Variants in AGBL4 observed in about 807,000 individuals in gnomAD.
AGBL4 encodes cytosolic carboxypeptidase 6.
AGBL4 carries 58 observed loss-of-function variants against 66.4 expected under a neutral mutation model. The ratio of observed to expected loss-of-function variants is 0.87; its 90% CI spans 0.71 to 1.09. The LOEUF (loss-of-function observed/expected upper bound fraction) is 1.09. AGBL4 is among the 50% of genes least tolerant of loss of function. AGBL4 has a pLI of 0.00. For synonymous variants in AGBL4, 234 were observed against 222.9 expected (o/e 1.05, Z -0.44); for missense variants, 579 against 631.0 (o/e 0.92, Z 0.88).
chr1:49,894,917 A>G lies in AGBL4; in HGVS notation c.35-43399T>C, dbSNP rs567119627. ...ATATCAATATTCAAGTACAGGTTAT[A>G]GAACATCATGCAGATTTAGCTCAAA... On this transcript the variant is annotated intron_variant, in intron 1 of 13. Transcript: ENST00000371839. Among the ~76,000 whole-genome samples, 102 of 152,278 alleles carry G rather than the reference A, an allele frequency of 6.7e-4. 1 individual carries two copies. The South Asian group carries it at 0.02, about 30-fold the overall frequency.
intron 6 of AGBL4, among the ~76,000 whole-genome samples, chr1:48,718,937 C>T (rs1326498264): frequency 1.3e-5 from 2 of 152,168 alleles, no homozygotes; most frequent in African/African-American, 4.8e-5. Context: ...GTGGGATGGG[C>T]ACTTTAGCAA....
intron 2 of AGBL4, among the ~76,000 whole-genome samples, chr1:49,706,807 T>C (rs1647244660): frequency 6.6e-6 from 1 of 152,182 alleles, no homozygotes; most frequent in African/African-American, 2.4e-5. Flanking sequence ...ATTTACCCAG[T>C]AGTCACTCAG....
intron 12 of AGBL4, 107 bp downstream of exon 12, chr1:48,539,535 C>T (rs899212307): frequency 3.0e-5 from 25 of 825,166 alleles, no homozygotes; most frequent in South Asian, 5.8e-5. Context: ...ATCTTTCCTG[C>T]GGCACAGATG....
At chr1:48,570,702 C>T (rs967628588) in intron 11 of AGBL4, among the ~76,000 whole-genome samples, 6 of 152,126 alleles carry the variant, frequency 3.9e-5, no homozygotes, top group African/African-American at 9.7e-5. Flanking sequence ...AAAACTCAGG[C>T]GCCTTCCTCA....
At chr1:48,553,306 C>T (rs12120873) in intron 11 of AGBL4, among the ~76,000 whole-genome samples, 6,299 of 152,254 alleles carry the variant, frequency 0.041, 197 homozygotes, top group East Asian at 0.1. Context: ...AGATATTCAG[C>T]TCCTGCTTGT....
At chr1:49,924,768 C>A (rs1393236790) in intron 1 of AGBL4, among the ~76,000 whole-genome samples, 1 of 152,026 alleles carries the variant, frequency 6.6e-6, no homozygotes. Flanking sequence ...GAGAATAATG[C>A]CCTCAAAATA....
chr1:48,675,148 C>T (rs1646344385), intron 6 of AGBL4, among the ~76,000 whole-genome samples: 1 of 152,114 alleles, frequency 6.6e-6, no homozygotes, highest in Non-Finnish European at 1.5e-5. Flanking sequence ...GAAACAGACC[C>T]CCCCGCCACA....
chr1:49,841,615 A>C (rs1557502157), intron 2 of AGBL4, among the ~76,000 whole-genome samples: 1 of 152,166 alleles, frequency 6.6e-6, no homozygotes, highest in Admixed American at 6.5e-5. Flanking sequence ...ACAGTAACCG[A>C]AACAGTATGG....
intron 3 of AGBL4, among the ~76,000 whole-genome samples, chr1:49,666,326 A>G (rs1356632856): frequency 1.3e-5 from 2 of 152,140 alleles, no homozygotes; most frequent in African/African-American, 2.4e-5. Context: ...GCACTTTGGA[A>G]GGCCCAAGCG....
intron 3 of AGBL4, among the ~76,000 whole-genome samples, chr1:49,659,285 G>T (rs1484019867): frequency 1.3e-5 from 2 of 152,048 alleles, no homozygotes; most frequent in Admixed American, 6.6e-5. Context: ...TTAGCATCAT[G>T]CTAACAGGAT....
chr1:49,223,545 T>C (rs949395943), intron 4 of AGBL4, among the ~76,000 whole-genome samples: 1 of 152,196 alleles, frequency 6.6e-6, no homozygotes, highest in Non-Finnish European at 1.5e-5. Context: ...ACTAACTACA[T>C]AATTTGTGAG....
intron 6 of AGBL4, among the ~76,000 whole-genome samples, chr1:48,711,841 T>C (rs1449615602): frequency 6.6e-6 from 1 of 152,118 alleles, no homozygotes; most frequent in Non-Finnish European, 1.5e-5. Context: ...ACAATCTTCT[T>C]GCTTCCAGCC....
At chr1:48,605,615 C>A (rs1160853289) in intron 9 of AGBL4, among the ~76,000 whole-genome samples, 2 of 152,230 alleles carry the variant, frequency 1.3e-5, no homozygotes, top group Admixed American at 6.5e-5. Context: ...CTGGACCAAG[C>A]ACTCCTCAGG....
chr1:49,604,516 G>A lies in AGBL4; in HGVS notation c.282+92797C>T, dbSNP rs561895603. ...GTTTGCCAACATTTTCTCCCATTAT[G>A]TAGGTCATCTGTTTACTTTGATGAC... On this transcript the variant is annotated intron_variant, in intron 3 of 13. Coordinates refer to ENST00000371839, the MANE Select transcript of AGBL4 (RefSeq NM_032785.4). Among the ~76,000 whole-genome samples, 2 of 152,234 alleles carry A rather than the reference G, an allele frequency of 1.3e-5. 1 individual carries two copies. Among genetic ancestry groups the A allele is most frequent in the South Asian group, 4.1e-4 (2 of 4,822 alleles).
chr1:49,515,781 C>T (rs1419930210), intron 3 of AGBL4, among the ~76,000 whole-genome samples: 2 of 150,798 alleles, frequency 1.3e-5, no homozygotes, highest in African/African-American at 4.9e-5. Context: ...AGCAAACTAC[C>T]GCAAGGACAA....
chr1:49,179,913 T>G (rs1355401177), intron 4 of AGBL4, among the ~76,000 whole-genome samples: 1 of 151,674 alleles, frequency 6.6e-6, no homozygotes. Context: ...TTTTTTTTTA[T>G]TTTTTGAGAC....
At chr1:48,825,852 T>C (rs994833685) in intron 6 of AGBL4, among the ~76,000 whole-genome samples, 2 of 152,168 alleles carry the variant, frequency 1.3e-5, no homozygotes, top group African/African-American at 4.8e-5. Flanking sequence ...CTGTCTTCTA[T>C]GGGCAATGGG....
intron 5 of AGBL4, among the ~76,000 whole-genome samples, chr1:48,983,186 GA>G (rs1334092605): frequency 3.9e-5 from 6 of 152,060 alleles, no homozygotes; most frequent in Admixed American, 1.3e-4. Context: ...TGAAAGCCAA[GA>G]ACATTCTAAT....
intron 4 of AGBL4, among the ~76,000 whole-genome samples, chr1:49,188,023 T>C (rs1647046142): frequency 6.6e-6 from 1 of 152,140 alleles, no homozygotes; most frequent in Non-Finnish European, 1.5e-5. Flanking sequence ...ACATGCTCTC[T>C]CTTTATCTGC....
Sources: gnomAD v4.1 joint callset for allele counts (sites outside exome capture counted in the v4.1 genomes callset) on GRCh38, gnomAD v4.1.1 for gene constraint, MANE v1.5 for transcripts, NCBI Gene and HGNC (gene_info 2026-07-23, HGNC 2026-07-21) for gene names.